MYH10: variants seen among roughly 807,000 people sequenced by gnomAD.
The protein encoded by MYH10 is myosin-10.
A neutral mutation model predicts 257.8 loss-of-function variants in MYH10; 55 were observed. The ratio of observed to expected loss-of-function variants is 0.21; its 90% CI spans 0.17 to 0.27. The LOEUF (loss-of-function observed/expected upper bound fraction) is 0.27, where lower values mean the gene tolerates loss of function less well. MYH10 is among the 10% of genes least tolerant of loss of function. The pLI is 1.00. For missense variants in MYH10, 1,631 were observed against 2,500.6 expected (o/e 0.65, Z 7.42); for synonymous variants, 854 against 921.7 (o/e 0.93, Z 1.33).
At position 8,477,907 on chromosome 17, in the gene MYH10, C is replaced by T. The variant is rs577921217; in HGVS notation, c.5706+431G>A. On this transcript the variant is annotated intron_variant, in intron 41 of 42. Transcript: ENST00000360416. The surrounding 1 kb of genome is among the most constrained non-coding windows in gnomAD (Gnocchi z 4.2). ...GGGGGCCTGGATGCAGACGCTGAAG[C>T]TCACTCGGGTGCAGCGTGCAGTACC... Among the ~76,000 whole-genome samples the T allele has an allele frequency of 1.3e-3, 203 of 152,330 alleles. No individual in the cohort carries two copies. Among genetic ancestry groups the T allele is most frequent in the Middle Eastern group, 6.8e-3 (2 of 294 alleles).
At chr17:8,529,817 C>T (rs949583441) in intron 17 of MYH10, among the ~76,000 whole-genome samples, 3 of 152,148 alleles carry the variant, frequency 2.0e-5, no homozygotes, top group Admixed American at 6.5e-5. Context: ...CTTTGAGTTT[C>T]GCTACTTGCC....
At chr17:8,520,783 G>A (rs2081626356) in intron 19 of MYH10, 95 bp downstream of exon 19, 2 of 1,357,382 alleles carry the variant, frequency 1.5e-6, no homozygotes, top group Admixed American at 2.5e-5. Context: ...ACTATGTAGG[G>A]GACAAGGAAA....
chr17:8,511,035 T>TACATATAC (rs879260150), intron 24 of MYH10: 1 of 51,792 alleles, frequency 1.9e-5, no homozygotes, highest in South Asian at 5.7e-4. Flanking sequence ...TATATATATA[T>TACATATAC]ATATATATAT....
Position 8,534,683 on chromosome 17 carries a change from T to C in MYH10, c.1894+704A>G, listed in dbSNP as rs1199520871. Among the ~76,000 whole-genome samples the C allele has an allele frequency of 2.0e-5, 3 of 152,304 alleles. No homozygotes were observed. In the East Asian group the frequency reaches 5.8e-4, roughly 29 times the overall value. On this transcript the variant is annotated intron_variant, in intron 16 of 42. Coordinates refer to ENST00000360416, the MANE Select transcript of MYH10 (RefSeq NM_001256012.3). ...CTCAGGGTCAAGGTCTAGGCAGGGT[T>C]AGATCCAGGGCTAAGGTCCTGCATG...
At position 8,475,141 on chromosome 17, in the gene MYH10, T is replaced by C. The variant is rs1463781849; in HGVS notation, c.*663A>G. ...ACAGACCAGCCCTCGCCAAGGCCAG[T>C]TCACATGAGTAGATGCGGGACACCA... On this transcript the variant is annotated 3_prime_UTR_variant, in exon 43 of 43. Transcript: ENST00000360416. 6.6e-6 allele frequency: 1 copy of C among 152,622 alleles called. No homozygotes were observed. The highest frequency in any genetic ancestry group is 2.4e-5 in the African/African-American group (1 of 41,424). The allele number at this position is 152,622 out of a possible 1,614,324, so 9.5% of individuals were successfully genotyped here. A position where few individuals can be genotyped will look rare whatever the true frequency, so the allele number is the denominator to read the frequency against.
chr17:8,560,258 C>A, intron 7 of MYH10, among the ~76,000 whole-genome samples: 1 of 152,086 alleles, frequency 6.6e-6, no homozygotes. Flanking sequence ...AAAACTAATT[C>A]TTTATTTGGG....
intron 3 of MYH10, among the ~76,000 whole-genome samples, chr17:8,595,713 G>C (rs1035895126): frequency 3.3e-5 from 5 of 152,120 alleles, no homozygotes; most frequent in Non-Finnish European, 5.9e-5. Flanking sequence ...TTACAGGCAT[G>C]AGTCACCAAG....
At chr17:8,487,351 C>T in intron 36 of MYH10, 82 bp downstream of exon 36, 1 of 1,550,420 alleles carries the variant, frequency 6.4e-7, no homozygotes, top group Non-Finnish European at 8.8e-7. Context: ...GCTGTGCCCC[C>T]CAGCTTCACT....
chr17:8,590,966 G>A (rs371227798), intron 3 of MYH10, among the ~76,000 whole-genome samples: 2 of 129,812 alleles, frequency 1.5e-5, no homozygotes, highest in Non-Finnish European at 3.1e-5. Context: ...TCCACCTCCC[G>A]GGTTCACGCC....
intron 1 of MYH10, among the ~76,000 whole-genome samples, chr17:8,629,652 G>A (rs748848798): frequency 1.3e-5 from 2 of 152,118 alleles, no homozygotes; most frequent in African/African-American, 4.8e-5. Flanking sequence ...GGATCAGGGT[G>A]TGACCCCCAA....
In MYH10 at chr17:8,614,378, G is replaced by A. The variant is rs934231294; in HGVS notation, c.345+8524C>T. On this transcript the variant is annotated intron_variant, in intron 2 of 42. Transcript: ENST00000360416. Reference sequence around the variant, plus strand: ...TTGTTCAAGCTGGAGTGGTGCAGTGGTGCAATCTCGGCTCACTGCAGCCTC... The same window carrying A: ...TTGTTCAAGCTGGAGTGGTGCAGTGATGCAATCTCGGCTCACTGCAGCCTC... Among the ~76,000 whole-genome samples the A allele has an allele frequency of 2.8e-5, 4 of 142,646 alleles. No homozygotes were observed. In the Admixed American group the frequency reaches 2.9e-4, roughly 10 times the overall value. 93.6% of individuals were successfully genotyped at this position (142,646 alleles called of 152,430 possible).
chr17:8,585,044 T>C (rs898596050), intron 4 of MYH10, among the ~76,000 whole-genome samples: 1 of 151,800 alleles, frequency 6.6e-6, no homozygotes, highest in African/African-American at 2.4e-5. Flanking sequence ...GGTTTCTCTA[T>C]GTTGGTCAGG....
At chr17:8,598,612 ATCTT>A (rs1377403045) in intron 3 of MYH10, among the ~76,000 whole-genome samples, 1 of 152,146 alleles carries the variant, frequency 6.6e-6, no homozygotes, top group African/African-American at 2.4e-5. Context: ...TTGTCTATAA[ATCTT>A]TCTTTCCTAA....
At chr17:8,543,637 C>T (rs898956908) in intron 13 of MYH10, among the ~76,000 whole-genome samples, 15 of 152,224 alleles carry the variant, frequency 9.9e-5, no homozygotes, top group African/African-American at 3.1e-4. Flanking sequence ...CCAAGCCCAG[C>T]TAATTTTTGT....
At chr17:8,591,523 C>T (rs886241390) in intron 3 of MYH10, among the ~76,000 whole-genome samples, 11 of 152,146 alleles carry the variant, frequency 7.2e-5, no homozygotes, top group African/African-American at 2.4e-4. Context: ...AATCTTCAGA[C>T]CCCCGAATTT....
intron 3 of MYH10, among the ~76,000 whole-genome samples, chr17:8,596,639 G>A (rs1455358215): frequency 2.8e-5 from 4 of 142,256 alleles, no homozygotes; most frequent in African/African-American, 1.0e-4. Flanking sequence ...AAAGGGAGGG[G>A]GAGTAGGAGG....
intron 7 of MYH10, among the ~76,000 whole-genome samples, chr17:8,557,771 G>A (rs999672923): frequency 6.6e-6 from 1 of 152,118 alleles, no homozygotes; most frequent in African/African-American, 2.4e-5. Flanking sequence ...TGCTACATAA[G>A]TTATCAAAAC....
At chr17:8,538,235 C>T (rs867990598) in intron 14 of MYH10, among the ~76,000 whole-genome samples, 3 of 152,264 alleles carry the variant, frequency 2.0e-5, no homozygotes, top group Non-Finnish European at 2.9e-5. Context: ...GACGGAGTCT[C>T]GCTCTTGTCC....
chr17:8,548,742 T>C lies in MYH10; in HGVS notation c.965A>G (p.Asn322Ser). The change falls in exon 10 of 43, where the codon AAT becomes AGT. Residue 322 changes from asparagine (N) to serine (S), a missense_variant. Physicochemically the swap from Asn to Ser is conservative, Grantham distance 46 (BLOSUM62 1). Transcript: ENST00000360416. ...EGFNNYRFLS[N>S]GYIPIPGQQD... Reference sequence around the variant, plus strand: ...CTGTCCCGGAATAGGAATATAGCCATTGGAGAGAAACCTGTAGTTATTAAA... The same window carrying C: ...CTGTCCCGGAATAGGAATATAGCCACTGGAGAGAAACCTGTAGTTATTAAA... 4.3e-6 allele frequency: 7 copies of C among 1,613,576 alleles called. No homozygotes were observed. The highest frequency in any genetic ancestry group is 1.7e-4 in the Middle Eastern group (1 of 6,060).
Sources: allele counts gnomAD v4.1 joint callset (sites outside exome capture counted in the v4.1 genomes callset), GRCh38; gene constraint gnomAD v4.1.1; non-coding constraint Gnocchi (gnomAD v3.1); transcripts MANE v1.5; gene names NCBI Gene and HGNC (gene_info 2026-07-23, HGNC 2026-07-21).